The following SH3BP2 variants were observed in gnomAD, a reference collection of about 807,000 sequenced individuals.
SH3BP2 encodes SH3 domain binding protein 2.
Under a neutral mutation model 56.2 loss-of-function variants are expected in SH3BP2, and 38 were observed. That is an observed-to-expected ratio of 0.68 (90% CI 0.52 to 0.89). The LOEUF is 0.89. Ranked by LOEUF, SH3BP2 falls within the 40% of genes least tolerant of loss-of-function variation. The pLI, the probability that SH3BP2 is intolerant of heterozygous loss-of-function variation, is 0.00. For missense variants in SH3BP2, 748 were observed against 762.6 expected, an observed-to-expected ratio of 0.98 and a Z score of 0.23; for synonymous variants, 346 against 316.7, an observed-to-expected ratio of 1.09 and a Z score of -0.98.
chr4:2,830,238 G>A, intron 8 of SH3BP2, 91 bp downstream of exon 8: 2 of 1,286,102 alleles, frequency 1.6e-6, no homozygotes, highest in South Asian at 1.4e-5. Flanking sequence ...TCGCTCCCCT[G>A]GCACTCTTAG....
intron 5 of SH3BP2, chr4:2,826,923 G>C (rs1724682391): frequency 1.7e-6 from 1 of 577,020 alleles, no homozygotes; most frequent in Non-Finnish European, 3.3e-6. Context: ...ATCCATGCCT[G>C]TGTGCCTGTG....
intron 1 of SH3BP2, chr4:2,812,257 G>A (rs944683609): frequency 2.2e-5 from 34 of 1,535,802 alleles, no homozygotes; most frequent in South Asian, 9.7e-5. Context: ...AGGAAGTCCC[G>A]GGTGGGGAGG....
intron 1 of SH3BP2, among the ~76,000 whole-genome samples, chr4:2,812,829 C>G (rs993756669): frequency 8.7e-5 from 13 of 149,710 alleles, no homozygotes; most frequent in African/African-American, 2.7e-4. Context: ...GCAGGGTGGC[C>G]TTGGTGTTTG....
intron 1 of SH3BP2, among the ~76,000 whole-genome samples, chr4:2,816,434 C>T (rs1376054585): frequency 2.0e-5 from 3 of 152,164 alleles, no homozygotes; most frequent in Admixed American, 6.5e-5. Context: ...TTCTGGATAC[C>T]TTTTATTTCT....
rs1298361072 is a variant in SH3BP2, at chr4:2,808,779, C to T, written c.-4-11835C>T. On this transcript the variant is annotated intron_variant, in intron 1 of 12. Coordinates refer to ENST00000503393, the MANE Select transcript of SH3BP2 (RefSeq NM_001122681.2). ...CCCCCAGGCTCTGTGCCCACCCACC[C>T]TCCTAGGGCTCAGTGCCCACCTTCC... Among the ~76,000 whole-genome samples the T allele has an allele frequency of 7.4e-5, 11 of 147,932 alleles. No individual in the cohort carries two copies. The East Asian group carries it at 1.6e-3, about 22-fold the overall frequency.
intron 1 of SH3BP2, among the ~76,000 whole-genome samples, chr4:2,795,394 C>T (rs1420499133): frequency 6.6e-6 from 1 of 152,238 alleles, no homozygotes; most frequent in Non-Finnish European, 1.5e-5. Flanking sequence ...GCAGGCTCTG[C>T]CCTCCTCACT....
intron 1 of SH3BP2, among the ~76,000 whole-genome samples, chr4:2,805,718 G>C (rs1723507187): frequency 6.6e-6 from 1 of 152,238 alleles, no homozygotes. Flanking sequence ...TGGGGGCCCT[G>C]CCGTGGACTG....
At chr4:2,793,456 A>G (rs1322695850) in intron 1 of SH3BP2, among the ~76,000 whole-genome samples, 1 of 149,832 alleles carries the variant, frequency 6.7e-6, no homozygotes, top group African/African-American at 2.5e-5. Flanking sequence ...TGTCCTTGCC[A>G]AAGGACGCAC....
Position 2,824,610 on chromosome 4 carries a change from C to T in SH3BP2, c.240-3C>T. ...GCCGTGACCCCTGGCGCTGTGCCCC[C>T]AGGGTGATGCGGGCGGCTGAGGAGA... is the stretch of plus-strand genomic sequence containing the variant. On this transcript the variant is annotated splice_polypyrimidine_tract_variant and splice_region_variant and intron_variant, in intron 3 of 12. Coordinates refer to ENST00000503393, the MANE Select transcript of SH3BP2 (RefSeq NM_001122681.2). 1.2e-6 allele frequency: 2 copies of T among 1,612,296 alleles called. No individual in the cohort carries two copies. Among genetic ancestry groups the T allele is most frequent in the Admixed American group, 1.7e-5 (1 of 60,028 alleles).
intron 1 of SH3BP2, among the ~76,000 whole-genome samples, chr4:2,815,509 C>T (rs1315122322): frequency 6.6e-6 from 1 of 152,252 alleles, no homozygotes; most frequent in African/African-American, 2.4e-5. Flanking sequence ...TATCTGGCCA[C>T]TGAGCTGGAC....
At chr4:2,804,978 G>A (rs916780797) in intron 1 of SH3BP2, among the ~76,000 whole-genome samples, 6 of 152,210 alleles carry the variant, frequency 3.9e-5, no homozygotes, top group African/African-American at 1.4e-4. Context: ...AGAACACAGT[G>A]GACATTTCCT....
At position 2,835,300 on chromosome 4, in the gene SH3BP2, G is replaced by C. The variant is rs550613501; in HGVS notation, c.*1466G>C. The C allele has an allele frequency of 2.6e-5, 4 of 152,330 alleles. No individual in the cohort carries two copies. The highest frequency in any genetic ancestry group is 4.4e-5 in the Non-Finnish European group (3 of 68,154). 9.4% of individuals were successfully genotyped at this position (152,330 alleles called of 1,614,324 possible). ...CAAGTGATGAGGCTGGTTAGCGGATGTGGGAGGCTGTGACCCCAGGGGGCC... is the reference window on the plus strand; with the variant it reads ...CAAGTGATGAGGCTGGTTAGCGGATCTGGGAGGCTGTGACCCCAGGGGGCC... On this transcript the variant is annotated 3_prime_UTR_variant, in exon 13 of 13. Transcript: ENST00000503393.
In SH3BP2 at chr4:2,810,519, G is replaced by T. The variant is rs1417734529; in HGVS notation, c.-4-10095G>T. ...GCATTTGCCTGCCCAGTAAGGGGTG[G>T]CGTGTTCCTGAGAGCGCCGGCTGCC... On this transcript the variant is annotated intron_variant, in intron 1 of 12. Coordinates refer to ENST00000503393, the MANE Select transcript of SH3BP2 (RefSeq NM_001122681.2). This position sits in a 1 kb window ranked among gnomAD's most constrained non-coding sequence, Gnocchi z 4.2. 2.6e-5 allele frequency among the ~76,000 whole-genome samples: 4 copies of T among 151,808 alleles called. No individual in the cohort carries two copies. The highest frequency in any genetic ancestry group is 1.3e-4 in the Admixed American group (2 of 15,256).
At chr4:2,817,190 G>C (rs1251332952) in intron 1 of SH3BP2, among the ~76,000 whole-genome samples, 1 of 152,200 alleles carries the variant, frequency 6.6e-6, no homozygotes, top group African/African-American at 2.4e-5. Context: ...GGCATGAGGA[G>C]GCCCTAGAGG....
chr4:2,829,819 C>A lies in SH3BP2; in HGVS notation c.913C>A (p.Pro305Thr). Residue 305 changes from proline (P) to threonine (T), a missense_variant, in exon 8 of 13, where the codon CCG becomes ACG. Physicochemically the swap from Pro to Thr is conservative, Grantham distance 38. Coordinates refer to ENST00000503393, the MANE Select transcript of SH3BP2 (RefSeq NM_001122681.2). The surrounding 1 kb of genome is among the most constrained non-coding windows in gnomAD (Gnocchi z 4.9). ...PCFRESASPS[P>T]EPWTPGHGAC... is the part of the protein sequence containing the mutation. ...CTTCCGGGAGAGTGCCAGCCCCAGCCCGGAGCCCTGGACCCCTGGCCACGG... is the reference window on the plus strand; with the variant it reads ...CTTCCGGGAGAGTGCCAGCCCCAGCACGGAGCCCTGGACCCCTGGCCACGG... 1.2e-6 allele frequency: 2 copies of A among 1,613,494 alleles called. No homozygotes were observed. Among genetic ancestry groups the A allele is most frequent in the Non-Finnish European group, 1.7e-6 (2 of 1,179,966 alleles).
rs1329963386 is a variant in SH3BP2 at position 2,838,791 on chromosome 4, A to G, written c.*4957A>G. 6.6e-6 allele frequency: 1 copy of G among 152,198 alleles called. No individual in the cohort carries two copies. The highest frequency in any genetic ancestry group is 6.5e-5 in the Admixed American group (1 of 15,284). 9.4% of individuals were successfully genotyped at this position (152,198 alleles called of 1,614,324 possible). A position where few individuals can be genotyped will look rare whatever the true frequency, so the allele number is the denominator to read the frequency against. ...GGTTTGTTTCTAGTTTGGGGTAACT[A>G]CACACAATGCTGCTAGCAACAGTTT... On this transcript the variant is annotated 3_prime_UTR_variant, in exon 13 of 13. Coordinates refer to ENST00000503393, the MANE Select transcript of SH3BP2 (RefSeq NM_001122681.2).
At chr4:2,803,049 G>C (rs747607858) in intron 1 of SH3BP2, among the ~76,000 whole-genome samples, 4 of 152,234 alleles carry the variant, frequency 2.6e-5, no homozygotes, top group Non-Finnish European at 4.4e-5. Context: ...GGAGCTGCAT[G>C]GTTTTGTGCG....
intron 1 of SH3BP2, chr4:2,799,238 C>T (rs1309460609): frequency 2.0e-6 from 2 of 985,282 alleles, no homozygotes; most frequent in Non-Finnish European, 2.4e-6. Context: ...AAATGCCTTC[C>T]CCTCGGGACC....
At position 2,827,283 on chromosome 4, in the gene SH3BP2, A is replaced by C. The variant is rs1433644964; in HGVS notation, c.482A>C (p.Asp161Ala). ...TACGGCGCAGTTGAGCGGCCTGTGGATATCAGCCTTTCCCCGTACCCCACG... is the reference window on the plus strand; with the variant it reads ...TACGGCGCAGTTGAGCGGCCTGTGGCTATCAGCCTTTCCCCGTACCCCACG... ...SFYGAVERPV[D>A]ISLSPYPTDN... The change falls in exon 6 of 13, where the codon GAT becomes GCT. Residue 161 changes from aspartate to alanine, a missense_variant. Around this residue, in one of 3 missense-constraint regions of SH3BP2, gnomAD observed 635 missense variants for 615.0 expected, o/e 1.03. Coordinates refer to ENST00000503393, the MANE Select transcript of SH3BP2 (RefSeq NM_001122681.2). 6.2e-7 allele frequency: 1 copy of C among 1,614,172 alleles called. No homozygotes were observed. The highest frequency in any genetic ancestry group is 1.7e-5 in the Admixed American group (1 of 60,024).
Sources: gnomAD v4.1 joint callset for allele counts (sites outside exome capture counted in the v4.1 genomes callset) on GRCh38, gnomAD v4.1.1 for gene constraint, gnomAD v4.1.1 regional missense constraint, Gnocchi (gnomAD v3.1) non-coding constraint, MANE v1.5 for transcripts, NCBI Gene and HGNC (gene_info 2026-07-23, HGNC 2026-07-21) for gene names.